RCAN1: variants seen among roughly 807,000 people sequenced by gnomAD.
The protein encoded by RCAN1 is regulator of calcineurin 1, also known as calcipressin-1.
RCAN1 carries 11 observed loss-of-function variants against 22.9 expected under a neutral mutation model. The observed-to-expected ratio is 0.48, with a 90% CI of 0.30 to 0.79. The LOEUF (loss-of-function observed/expected upper bound fraction) is 0.79. Ranked by LOEUF, RCAN1 falls within the 30% of genes least tolerant of loss-of-function variation. The probability of loss-of-function intolerance (pLI) is 0.06; values close to 1 mark genes in which losing one functional copy is unlikely to be tolerated. For synonymous variants in RCAN1, 136 were observed against 142.3 expected (o/e 0.96, Z 0.32); for missense variants, 291 against 337.8 (o/e 0.86, Z 1.09).
chr21:34,557,169 C>T (rs376002185), intron 1 of RCAN1, among the ~76,000 whole-genome samples: 10 of 152,070 alleles, frequency 6.6e-5, no homozygotes, highest in Non-Finnish European at 1.0e-4. Flanking sequence ...GCCGAGATCA[C>T]GCCACTGCAC....
intron 1 of RCAN1, 141 bp from the exon 2 acceptor site, chr21:34,523,851 T>A: frequency 1.7e-6 from 1 of 595,568 alleles, no homozygotes; most frequent in Non-Finnish European, 2.8e-6. Flanking sequence ...GGTGCAGTTT[T>A]GGCTCACTGC....
rs115621541 is a variant in RCAN1 at position 34,565,971 on chromosome 21, C to T, written c.253-42261G>A. Among the ~76,000 whole-genome samples, 477 of 152,312 alleles carry T rather than the reference C, an allele frequency of 3.1e-3. 3 individuals carry two copies. Among genetic ancestry groups the T allele is most frequent in the African/African-American group, 0.011 (466 of 41,566 alleles). On this transcript the variant is annotated intron_variant, in intron 1 of 3. Coordinates refer to ENST00000313806, the MANE Select transcript of RCAN1 (RefSeq NM_004414.7). The stretch of plus-strand genomic sequence containing the variant: ...TACCAGGTGTCGGGGCTGGAGACTA[C>T]GTTCACGCAGGAACACTTTCCGTCA...
In RCAN1 at chr21:34,521,588, G is replaced by A. The variant is rs1984555413; in HGVS notation, c.497C>T (p.Ala166Val). The A allele has an allele frequency of 6.2e-7, 1 of 1,614,104 alleles. No individual in the cohort carries two copies. Among genetic ancestry groups the A allele is most frequent in the Non-Finnish European group, 8.5e-7 (1 of 1,180,050 alleles). Residue 166 changes from alanine (A) to valine (V), a missense_variant, in exon 3 of 4, where the codon GCC (alanine) becomes GTC (valine). Transcript: ENST00000313806. ...TTGTTTCCATCCCACTGGCGGAGAG[G>A]CGGGAGGGGAGATCAGAAACTGCTT... is the stretch of plus-strand genomic sequence containing the variant. ...PDKQFLISPP[A>V]SPPVGWKQVE...
In RCAN1 at chr21:34,546,484, T is replaced by C. The variant is rs549778828; in HGVS notation, c.253-22774A>G. ...TAAATTGTCTGAAAAACCCCAACAA[T>C]GCTGTTAACACGTTGTTAACAGGTA... On this transcript the variant is annotated intron_variant, in intron 1 of 3. Transcript: ENST00000313806. Among the ~76,000 whole-genome samples, 3 of 152,124 alleles carry C rather than the reference T, an allele frequency of 2.0e-5. No homozygotes were observed. The South Asian group carries it at 6.2e-4, about 32-fold the overall frequency.
rs370598208 is a variant in RCAN1 at position 34,605,690 on chromosome 21, G to T, written c.252+9070C>A. Among the ~76,000 whole-genome samples, 6 of 152,234 alleles carry T rather than the reference G, an allele frequency of 3.9e-5. No individual in the cohort carries two copies. In the East Asian group the frequency reaches 9.7e-4, roughly 25 times the overall value. On this transcript the variant is annotated intron_variant, in intron 1 of 3. Coordinates refer to ENST00000313806, the MANE Select transcript of RCAN1 (RefSeq NM_004414.7). ...TAATCCCAGCACTTTGGGAGGCCGA[G>T]GCGGGTGGATCACAAGGTCAGGAGT...
At position 34,614,750 on chromosome 21, in the gene RCAN1, C is replaced by T; in HGVS notation, c.252+10G>A. Reference sequence around the variant, plus strand: ...CTCCGCCCCGACGGCCCGCCCGGCGCGGTCCTCACCCGGCACAGGCCGTCC... The same window carrying T: ...CTCCGCCCCGACGGCCCGCCCGGCGTGGTCCTCACCCGGCACAGGCCGTCC... On this transcript the variant is annotated intron_variant, in intron 1 of 3. Coordinates refer to ENST00000313806, the MANE Select transcript of RCAN1 (RefSeq NM_004414.7). The surrounding 1 kb of genome is among the most constrained non-coding windows in gnomAD (Gnocchi z 6.0). 2 of 1,421,140 alleles carry T rather than the reference C, an allele frequency of 1.4e-6. No homozygotes were observed. Among genetic ancestry groups the T allele is most frequent in the Non-Finnish European group, 9.2e-7 (1 of 1,081,686 alleles). The allele number at this position is 1,421,140 out of a possible 1,614,324, so 88.0% of individuals were successfully genotyped here. A position where few individuals can be genotyped will look rare whatever the true frequency, so the allele number is the denominator to read the frequency against.
At position 34,569,087 on chromosome 21, in the gene RCAN1, C is replaced by T. The variant is rs143484687; in HGVS notation, c.253-45377G>A. On this transcript the variant is annotated intron_variant, in intron 1 of 3. Coordinates refer to ENST00000313806, the MANE Select transcript of RCAN1 (RefSeq NM_004414.7). ...ATTCAAATGATCTCCCACCAGGTCC[C>T]TCCCACAACATGTGGGAATTATGGG... Among the ~76,000 whole-genome samples, 931 of 152,330 alleles carry T rather than the reference C, an allele frequency of 6.1e-3. 3 individuals are homozygous for T. Among genetic ancestry groups the T allele is most frequent in the Middle Eastern group, 0.034 (10 of 294 alleles).
intron 1 of RCAN1, among the ~76,000 whole-genome samples, chr21:34,588,672 C>T (rs963052395): frequency 3.3e-5 from 5 of 152,298 alleles, no homozygotes; most frequent in African/African-American, 1.2e-4. Context: ...CCAGCAATTC[C>T]ACCTCTGTGT....
Position 34,518,111 on chromosome 21 carries a change from C to CG in RCAN1, c.731dup (p.Glu245GlyfsTer65). On this transcript the variant is annotated frameshift_variant, in exon 4 of 4. Coordinates refer to ENST00000313806, the MANE Select transcript of RCAN1 (RefSeq NM_004414.7). LOFTEE classifies it high-confidence loss of function. The surrounding 1 kb of genome is among the most constrained non-coding windows in gnomAD (Gnocchi z 4.2). ...AGCTGAGGTGGATCGGCGTGTACTCCGGCCTCCTGGTCTGGATAATTTTTG... is the reference window on the plus strand; with the variant it reads ...AGCTGAGGTGGATCGGCGTGTACTCCGGGCCTCCTGGTCTGGATAATTTTTG... 6.2e-6 allele frequency: 10 copies of CG among 1,614,118 alleles called. No homozygotes were observed. Among genetic ancestry groups the CG allele is most frequent in the Non-Finnish European group, 8.5e-6 (10 of 1,180,024 alleles).
At chr21:34,600,956 A>G (rs1485315380) in intron 1 of RCAN1, among the ~76,000 whole-genome samples, 2 of 152,228 alleles carry the variant, frequency 1.3e-5, no homozygotes, top group Non-Finnish European at 2.9e-5. Context: ...TCACAAACAC[A>G]CATGCATGCA....
chr21:34,526,642 A>C, intron 1 of RCAN1: 1 of 1,604,246 alleles, frequency 6.2e-7, no homozygotes, highest in East Asian at 2.2e-5. Context: ...AAAGAAAATC[A>C]CGTTATATTA....
chr21:34,596,638 G>A (rs1261062754), intron 1 of RCAN1, among the ~76,000 whole-genome samples: 1 of 152,248 alleles, frequency 6.6e-6, no homozygotes, highest in Non-Finnish European at 1.5e-5. Context: ...AGAAGATGCA[G>A]AAAGTCTTCT....
chr21:34,565,519 C>T (rs1986969987), intron 1 of RCAN1, among the ~76,000 whole-genome samples: 1 of 152,190 alleles, frequency 6.6e-6, no homozygotes, highest in East Asian at 1.9e-4. Flanking sequence ...GGTGAGGGCG[C>T]TGCAGCTGAA....
intron 1 of RCAN1, among the ~76,000 whole-genome samples, chr21:34,571,975 C>G (rs986290754): frequency 6.6e-6 from 1 of 152,130 alleles, no homozygotes; most frequent in African/African-American, 2.4e-5. Flanking sequence ...ATTGGTTTAC[C>G]AAGAAACTGT....
chr21:34,598,462 CA>C (rs1988232437), intron 1 of RCAN1, among the ~76,000 whole-genome samples: 1 of 152,196 alleles, frequency 6.6e-6, no homozygotes. Flanking sequence ...CACTGCTTAG[CA>C]AACAACATTG....
chr21:34,520,465 A>C (rs1984426462), intron 3 of RCAN1, among the ~76,000 whole-genome samples: 1 of 152,152 alleles, frequency 6.6e-6, no homozygotes, highest in Non-Finnish European at 1.5e-5. Flanking sequence ...AAGTAATGTG[A>C]GTCTTGCTTT....
At chr21:34,576,926 A>T (rs538845673) in intron 1 of RCAN1, among the ~76,000 whole-genome samples, 3 of 152,352 alleles carry the variant, frequency 2.0e-5, no homozygotes, top group South Asian at 4.1e-4. Flanking sequence ...CTGTGCTAGG[A>T]GCTGGCAATA....
chr21:34,575,568 G>C (rs1047801941), intron 1 of RCAN1, among the ~76,000 whole-genome samples: 5 of 152,142 alleles, frequency 3.3e-5, no homozygotes, highest in Admixed American at 6.5e-5. Flanking sequence ...TGTCACCCAG[G>C]TTGGAGTGCA....
chr21:34,563,771 ATAT>A (rs1202733614), intron 1 of RCAN1, among the ~76,000 whole-genome samples: 1 of 73,498 alleles, frequency 1.4e-5, no homozygotes, highest in Non-Finnish European at 2.5e-5. Context: ...AAAAAAAAAA[ATAT>A]ATATATATAT....
Sources: gnomAD v4.1 joint callset for allele counts (sites outside exome capture counted in the v4.1 genomes callset) on GRCh38, gnomAD v4.1.1 for gene constraint, Gnocchi (gnomAD v3.1) non-coding constraint, MANE v1.5 for transcripts, NCBI Gene and HGNC (gene_info 2026-07-23, HGNC 2026-07-21) for gene names.